The following KYAT1 variants were observed in gnomAD, a reference collection of about 807,000 sequenced individuals.
The protein encoded by KYAT1 is kynurenine--oxoglutarate transaminase 1.
A neutral mutation model predicts 52.4 loss-of-function variants in KYAT1; 47 were observed. The observed-to-expected ratio is 0.90, with a 90% CI of 0.71 to 1.14. The LOEUF is 1.14. Ranked by LOEUF, KYAT1 falls within the 50% of genes most tolerant of loss-of-function variation. The probability of loss-of-function intolerance (pLI) is 0.00; values close to 1 mark genes in which losing one functional copy is unlikely to be tolerated. For synonymous variants in KYAT1, 212 were observed against 209.6 expected (o/e 1.01, Z -0.10); for missense variants, 480 against 557.9 (o/e 0.86, Z 1.41).
chr9:128,843,881 A>G (rs1832645386), intron 2 of KYAT1, among the ~76,000 whole-genome samples: 1 of 152,218 alleles, frequency 6.6e-6, no homozygotes, highest in Non-Finnish European at 1.5e-5. Flanking sequence ...CGCTCTGCTC[A>G]TATAGCCTTC....
intron 1 of KYAT1, among the ~76,000 whole-genome samples, chr9:128,866,303 A>C (rs1836367300): frequency 6.6e-6 from 1 of 152,226 alleles, no homozygotes; most frequent in African/African-American, 2.4e-5. Flanking sequence ...TGGGAAATTC[A>C]CAAAAGCAAA....
At chr9:128,878,539 A>C (rs529633555) in intron 1 of KYAT1, among the ~76,000 whole-genome samples, 4 of 152,048 alleles carry the variant, frequency 2.6e-5, no homozygotes, top group East Asian at 3.9e-4. Flanking sequence ...TTTTTGATAG[A>C]AAAAAAACAG....
chr9:128,865,313 A>G (rs1230169293), intron 1 of KYAT1, among the ~76,000 whole-genome samples: 3 of 1,900 alleles, frequency 1.6e-3, no homozygotes, highest in Non-Finnish European at 2.6e-3. Context: ...GCCTACATAT[A>G]TATATATATA....
chr9:128,849,806 A>G lies in KYAT1; in HGVS notation c.-6-4395T>C, dbSNP rs534043341. Among the ~76,000 whole-genome samples, 336 of 122,156 alleles carry G rather than the reference A, an allele frequency of 2.8e-3. 4 individuals carry two copies. Among genetic ancestry groups the G allele is most frequent in the African/African-American group, 8.0e-3 (299 of 37,524 alleles). The allele number at this position is 122,156 out of a possible 152,430, so 80.1% of individuals were successfully genotyped here. A position where few individuals can be genotyped will look rare whatever the true frequency, so the allele number is the denominator to read the frequency against. On this transcript the variant is annotated intron_variant, in intron 1 of 12. Transcript: ENST00000302586. ...GTGAGACTCTGTCTCAAAAAAAAAA[A>G]AAAAGAAAAGAAAAGAAAAGAATGA...
chr9:128,850,827 G>A (rs933741760), intron 1 of KYAT1, among the ~76,000 whole-genome samples: 4 of 152,230 alleles, frequency 2.6e-5, no homozygotes, highest in African/African-American at 9.6e-5. Context: ...ACCACCCTAT[G>A]GCGGGAGGCG....
intron 1 of KYAT1, among the ~76,000 whole-genome samples, chr9:128,850,888 T>C (rs1012752323): frequency 3.9e-5 from 6 of 152,200 alleles, no homozygotes; most frequent in African/African-American, 1.2e-4. Flanking sequence ...ACTGAGATGT[T>C]TGGGTGGAGA....
intron 1 of KYAT1, among the ~76,000 whole-genome samples, chr9:128,848,945 C>T (rs1833524792): frequency 6.6e-6 from 1 of 151,388 alleles, no homozygotes; most frequent in Admixed American, 6.6e-5. Flanking sequence ...GAAACCCCAT[C>T]TCTAATAAAA....
intron 1 of KYAT1, among the ~76,000 whole-genome samples, chr9:128,876,065 G>A (rs572939693): frequency 6.6e-6 from 1 of 152,214 alleles, no homozygotes; most frequent in African/African-American, 2.4e-5. Flanking sequence ...GTTTGGAGCC[G>A]GCTGGAATCC....
chr9:128,853,333 C>A (rs181623678), intron 1 of KYAT1, among the ~76,000 whole-genome samples: 8 of 152,232 alleles, frequency 5.3e-5, no homozygotes, highest in African/African-American at 1.4e-4. Flanking sequence ...GCTCTGATGG[C>A]GTTTACTGAT....
intron 1 of KYAT1, among the ~76,000 whole-genome samples, chr9:128,856,009 G>C (rs1049017011): frequency 3.9e-5 from 6 of 152,202 alleles, no homozygotes; most frequent in African/African-American, 1.4e-4. Context: ...ATTTGAATGA[G>C]AGATAGGCTC....
intron 1 of KYAT1, among the ~76,000 whole-genome samples, chr9:128,859,775 A>C (rs1835197693): frequency 4.0e-5 from 6 of 151,810 alleles, no homozygotes; most frequent in Admixed American, 2.6e-4. Flanking sequence ...CAGCCTCCTA[A>C]GTAGCTGGGA....
At chr9:128,844,403 A>C (rs1832737482) in intron 2 of KYAT1, among the ~76,000 whole-genome samples, 1 of 152,048 alleles carries the variant, frequency 6.6e-6, no homozygotes, top group South Asian at 2.1e-4. Flanking sequence ...AATTAGGGCC[A>C]GGCACAGTGG....
Position 128,836,802 on chromosome 9 carries a change from C to A in KYAT1, c.688G>T (p.Ala230Ser). The A allele has an allele frequency of 3.1e-6, 5 of 1,613,110 alleles. No homozygotes were observed. The highest frequency in any genetic ancestry group is 4.2e-6 in the Non-Finnish European group (5 of 1,179,654). The stretch of plus-strand genomic sequence containing the variant: ...GGGGCCCCAGGCTGGCTTGGCTCAC[C>A]AATGCTGATGTGCTGGTGCCCGTCG... ...VYDGHQHISIASLPGMWERTL... is the reference protein window; with the variant it reads ...VYDGHQHISISSLPGMWERTL... Residue 230 changes from alanine (A) to serine (S), a missense_variant and splice_region_variant, in exon 7 of 13, where the codon GCC becomes TCC. Physicochemically the swap from Ala to Ser is moderately conservative, Grantham distance 99. Transcript: ENST00000302586.
intron 3 of KYAT1, among the ~76,000 whole-genome samples, chr9:128,838,800 C>A (rs1437850527): frequency 6.6e-6 from 1 of 152,148 alleles, no homozygotes; most frequent in African/African-American, 2.4e-5. Context: ...AGCAGAGAAC[C>A]AGAGGAAGTG....
rs775530613 is a variant in KYAT1, at chr9:128,838,121, G to C, written c.368C>G (p.Pro123Arg). 10 of 1,614,162 alleles carry C rather than the reference G, an allele frequency of 6.2e-6. 1 individual carries two copies. The East Asian group carries it at 2.0e-4, about 32-fold the overall frequency. Reference sequence around the variant, plus strand: ...CATGGGCTCGTAGCAGTCAAAAAAGGGTTCGATGATGATGACCTGATATAA... The same window carrying C: ...CATGGGCTCGTAGCAGTCAAAAAAGCGTTCGATGATGATGACCTGATATAA... ...DEGDEVIIIE[P>R]FFDCYEPMTM... is the part of the protein sequence containing the mutation. The change falls in exon 5 of 13, where the codon CCC becomes CGC. Residue 123 changes from proline (P) to arginine (R), a missense_variant. Physicochemically the swap from Pro to Arg is moderately radical, Grantham distance 103 (BLOSUM62 -2). Transcript: ENST00000302586.
At chr9:128,859,318 G>A (rs983399530) in intron 1 of KYAT1, among the ~76,000 whole-genome samples, 19 of 150,722 alleles carry the variant, frequency 1.3e-4, no homozygotes, top group African/African-American at 3.2e-4. Flanking sequence ...CTGAGATCGC[G>A]CCACTGCACT....
intron 1 of KYAT1, among the ~76,000 whole-genome samples, chr9:128,864,238 T>C (rs766585905): frequency 2.0e-5 from 3 of 151,500 alleles, no homozygotes; most frequent in Non-Finnish European, 2.9e-5. Flanking sequence ...TGGTGGCGGG[T>C]GCCTATAGTC....
intron 2 of KYAT1, 58 bp from the exon 3 acceptor site, chr9:128,842,859 G>C (rs767848849): frequency 1.3e-6 from 2 of 1,550,912 alleles, no homozygotes; most frequent in East Asian, 2.3e-5. Context: ...CCTGGACTTC[G>C]GCCTGTTTAG....
intron 1 of KYAT1, among the ~76,000 whole-genome samples, chr9:128,876,409 C>CTTTTTTTT (rs71383618): frequency 3.1e-4 from 39 of 124,430 alleles, no homozygotes; most frequent in Non-Finnish European, 4.3e-4. Context: ...ATCCTTTGTT[C>CTTTTTTTT]TTTTTTTTTT....
Sources: gnomAD v4.1 joint callset for allele counts (sites outside exome capture counted in the v4.1 genomes callset) on GRCh38, gnomAD v4.1.1 for gene constraint, MANE v1.5 for transcripts, NCBI Gene and HGNC (gene_info 2026-07-23, HGNC 2026-07-21) for gene names.